The following ADCY4 variants were observed in gnomAD, a reference collection of about 807,000 sequenced individuals.
The protein encoded by ADCY4 is adenylate cyclase 4.
Under a neutral mutation model 125.5 loss-of-function variants are expected in ADCY4, and 111 were observed. That is an observed-to-expected ratio of 0.88 (90% CI 0.76 to 1.04). ADCY4 has a LOEUF of 1.04. ADCY4 is among the 50% of genes least tolerant of loss of function. ADCY4 has a pLI of 0.00. For missense variants in ADCY4, 1,256 were observed against 1,382.9 expected (o/e 0.91, Z 1.46); for synonymous variants, 576 against 586.9 (o/e 0.98, Z 0.27).
At position 24,326,846 on chromosome 14, in the gene ADCY4, G is replaced by A. The variant is rs141478650; in HGVS notation, c.1525-504C>T. Among the ~76,000 whole-genome samples the A allele has an allele frequency of 2.0e-3, 299 of 148,552 alleles. 1 individual carries two copies. The highest frequency in any genetic ancestry group is 3.8e-3 in the Non-Finnish European group (256 of 67,680). ...TGACCTTAGGTGATCCGCCTGCCTC[G>A]GCTTCTCAAAGTGCTGGGATTATAG... On this transcript the variant is annotated intron_variant, in intron 10 of 24. Transcript: ENST00000418030.
At chr14:24,328,930 G>T in intron 10 of ADCY4, 131 bp downstream of exon 10, 2 of 1,203,824 alleles carry the variant, frequency 1.7e-6, no homozygotes, top group Non-Finnish European at 1.2e-6. Flanking sequence ...AAGACAGTTC[G>T]GGACTTTGGG....
In ADCY4 at chr14:24,334,690, CG is replaced by C. The variant is rs1594674019; in HGVS notation, c.-39del. 1.4e-6 allele frequency: 2 copies of C among 1,466,454 alleles called. No homozygotes were observed. Among genetic ancestry groups the C allele is most frequent in the Non-Finnish European group, 1.8e-6 (2 of 1,107,854 alleles). 90.8% of individuals were successfully genotyped at this position (1,466,454 alleles called of 1,614,324 possible). On this transcript the variant is annotated 5_prime_UTR_variant, in exon 1 of 25. Transcript: ENST00000418030. The stretch of plus-strand genomic sequence containing the variant: ...CCCGAGCCCCGGGGCTGGCTAGGGC[CG>C]GGCGCCGGGTTACCTCCTTCGGCCC...
Position 24,334,712 on chromosome 14 carries a change from G to T in ADCY4, c.-60C>A. 2 of 1,339,022 alleles carry T rather than the reference G, an allele frequency of 1.5e-6. No individual in the cohort carries two copies. The highest frequency in any genetic ancestry group is 5.5e-5 in the East Asian group (2 of 36,424). The allele number at this position is 1,339,022 out of a possible 1,614,324, so 82.9% of individuals were successfully genotyped here. A position where few individuals can be genotyped will look rare whatever the true frequency, so the allele number is the denominator to read the frequency against. On this transcript the variant is annotated 5_prime_UTR_variant, in exon 1 of 25. Transcript: ENST00000418030. ...GGCCGGGCGCCGGGTTACCTCCTTC[G>T]GCCCGGCGGGCCCCACCTGAGCTTT...
intron 14 of ADCY4, among the ~76,000 whole-genome samples, chr14:24,324,807 G>T (rs1033489215): frequency 1.3e-5 from 2 of 152,020 alleles, no homozygotes; most frequent in South Asian, 2.1e-4. Context: ...GGGTTTGAGC[G>T]ATTCTCCTGC....
chr14:24,334,533 C>A lies in ADCY4; in HGVS notation c.120G>T (p.Ala40=), dbSNP rs1481332601. 1.9e-6 allele frequency: 3 copies of A among 1,583,492 alleles called. No homozygotes were observed. The highest frequency in any genetic ancestry group is 2.6e-6 in the Non-Finnish European group (3 of 1,169,914). The part of the protein sequence containing the change: ...LLLLLGIVLC[A]LAALLAVAWA... Reference sequence around the variant, plus strand: ...AGGCCACTGCGAGCAGCGCCGCGAGCGCACAGAGCACGATCCCCAGCAGCA... The same window carrying A: ...AGGCCACTGCGAGCAGCGCCGCGAGAGCACAGAGCACGATCCCCAGCAGCA... The change falls in exon 1 of 25, where the codon GCG becomes GCT. Residue 40 remains alanine (A), a synonymous_variant. Coordinates refer to ENST00000418030, the MANE Select transcript of ADCY4 (RefSeq NM_001198568.2).
At chr14:24,327,377 T>C (rs1177253888) in intron 10 of ADCY4, among the ~76,000 whole-genome samples, 1 of 152,090 alleles carries the variant, frequency 6.6e-6, no homozygotes, top group African/African-American at 2.4e-5. Flanking sequence ...CCGGCAGGCA[T>C]TCCTGCTATG....
At chr14:24,330,639 A>G in intron 6 of ADCY4, 1 of 339,562 alleles carries the variant, frequency 2.9e-6, no homozygotes, top group East Asian at 5.5e-5. Context: ...CCTGGAGTCT[A>G]AGCAGGTTGC....
chr14:24,325,701 C>T, intron 13 of ADCY4, 117 bp downstream of exon 13: 2 of 1,241,070 alleles, frequency 1.6e-6, no homozygotes, highest in South Asian at 1.4e-5. Flanking sequence ...ACAAGCTCCT[C>T]ACCCCTAGGA....
chr14:24,334,405 G>A, intron 1 of ADCY4, 89 bp downstream of exon 1: 1 of 1,455,022 alleles, frequency 6.9e-7, no homozygotes, highest in South Asian at 1.4e-5. Context: ...TCCCAGCAAC[G>A]AAAACACATC....
intron 19 of ADCY4, 58 bp downstream of exon 19, chr14:24,322,566 C>A: frequency 6.4e-7 from 1 of 1,562,308 alleles, no homozygotes; most frequent in South Asian, 1.1e-5. Context: ...AAGATCAAGT[C>A]ACAGATATGG....
chr14:24,329,276 C>T (rs1170466755), intron 9 of ADCY4, 42 bp from the exon 10 acceptor site: 6 of 1,599,956 alleles, frequency 3.8e-6, no homozygotes, highest in South Asian at 2.2e-5. Flanking sequence ...ACAGACACTT[C>T]CTCCTTCTCC....
intron 5 of ADCY4, 36 bp from the exon 6 acceptor site, chr14:24,331,165 C>T (rs925281529): frequency 6.2e-7 from 1 of 1,613,474 alleles, no homozygotes; most frequent in Admixed American, 1.7e-5. Context: ...GGGCCAGGGT[C>T]TTAGCCCACA....
chr14:24,323,977 C>G, intron 16 of ADCY4, 85 bp downstream of exon 16: 1 of 1,530,762 alleles, frequency 6.5e-7, no homozygotes, highest in Non-Finnish European at 8.8e-7. Context: ...GTCCAGCTGC[C>G]TGCCCAAATC....
chr14:24,323,135 AG>A (rs760645487), intron 17 of ADCY4, 47 bp from the exon 18 acceptor site: 135 of 1,593,478 alleles, frequency 8.5e-5, no homozygotes, highest in Admixed American at 3.1e-4. Flanking sequence ...CCATAGGCAG[AG>A]GGGGGACACC....
chr14:24,334,497 G>T lies in ADCY4; in HGVS notation c.156C>A (p.Gly52=). Residue 52 remains glycine (G), a synonymous_variant, in exon 1 of 25, where the codon GGC becomes GGA. Transcript: ENST00000418030. ...CCGCAGCAGAGGCTCGGCTCACCCT[G>T]CCGCTGGCCCAGGCCACTGCGAGCA... ...AALLAVAWAS[G]RELTSDPSFL... is the part of the protein sequence containing the mutation. 1 of 1,578,860 alleles carries T rather than the reference G, an allele frequency of 6.3e-7. No individual in the cohort carries two copies. The highest frequency in any genetic ancestry group is 8.6e-7 in the Non-Finnish European group (1 of 1,168,820).
At chr14:24,321,819 C>T in intron 20 of ADCY4, 1 of 1,226,048 alleles carries the variant, frequency 8.2e-7, no homozygotes, top group Non-Finnish European at 1.0e-6. Flanking sequence ...AACGCCTAGG[C>T]TTCTGGAATG....
chr14:24,320,057 G>T (rs1233423244), intron 20 of ADCY4, among the ~76,000 whole-genome samples, 169 bp from the exon 21 acceptor site: 3 of 152,176 alleles, frequency 2.0e-5, no homozygotes, highest in Admixed American at 6.5e-5. Flanking sequence ...AGTGACTTAG[G>T]AGTCAAAGCT....
chr14:24,323,518 G>T, intron 16 of ADCY4, 64 bp from the exon 17 acceptor site: 1 of 1,540,702 alleles, frequency 6.5e-7, no homozygotes, highest in Non-Finnish European at 8.8e-7. Context: ...GGCTTGTGCT[G>T]GGTTTCAGCT....
Position 24,329,992 on chromosome 14 carries a change from T to C in ADCY4, c.1085A>G (p.Asp362Gly). 2 of 1,613,966 alleles carry C rather than the reference T, an allele frequency of 1.2e-6. No individual in the cohort carries two copies. The highest frequency in any genetic ancestry group is 1.7e-6 in the Non-Finnish European group (2 of 1,179,900). The change falls in exon 8 of 25, where the codon GAC (aspartate) becomes GGC (glycine). Residue 362 changes from aspartate to glycine, a missense_variant. Asp to Gly is a moderately conservative substitution (Grantham distance 94). Transcript: ENST00000418030. ...IRKLRAATGV[D>G]INMRVGVHSG... Reference sequence around the variant, plus strand: ...GTGCACGCCCACACGCATGTTGATGTCCACGCCAGTGGCTGCCCGCAGTTT... The same window carrying C: ...GTGCACGCCCACACGCATGTTGATGCCCACGCCAGTGGCTGCCCGCAGTTT...
Sources: gnomAD v4.1 joint callset for allele counts (sites outside exome capture counted in the v4.1 genomes callset) on GRCh38, gnomAD v4.1.1 for gene constraint, MANE v1.5 for transcripts, NCBI Gene and HGNC (gene_info 2026-07-23, HGNC 2026-07-21) for gene names.